The following CCSER1 variants were observed in gnomAD, a reference collection of about 807,000 sequenced individuals.
CCSER1 encodes the protein serine-rich coiled-coil domain-containing protein 1.
A neutral mutation model predicts 82.0 loss-of-function variants in CCSER1; 41 were observed. That is an observed-to-expected ratio of 0.50 (90% CI 0.39 to 0.65). The LOEUF is 0.65. Among genes scored for constraint, CCSER1 ranks in the 30% least tolerant of loss-of-function variants. CCSER1 has a pLI of 0.00. For missense variants in CCSER1, 1,119 were observed against 1,064.2 expected (o/e 1.05, Z -0.72); for synonymous variants, 414 against 383.9 (o/e 1.08, Z -0.92).
At chr4:90,659,084 C>CT (rs3042301) in intron 6 of CCSER1, among the ~76,000 whole-genome samples, 20,039 of 137,942 alleles carry the variant, frequency 0.15, 1,874 homozygotes, top group East Asian at 0.33. Flanking sequence ...TATGAGAGGG[C>CT]TTTTTTTTTT....
chr4:91,364,262 T>G (rs1244120434), intron 10 of CCSER1, among the ~76,000 whole-genome samples: 1 of 152,072 alleles, frequency 6.6e-6, no homozygotes, highest in East Asian at 1.9e-4. Flanking sequence ...TCTAATTTTT[T>G]TGAGGTACAA....
At chr4:91,460,631 T>C (rs555839145) in intron 10 of CCSER1, among the ~76,000 whole-genome samples, 14 of 152,288 alleles carry the variant, frequency 9.2e-5, no homozygotes, top group Admixed American at 7.8e-4. Flanking sequence ...TAATTTGCAC[T>C]GGATCAGAGA....
chr4:91,201,438 G>T (rs77841034), intron 10 of CCSER1, among the ~76,000 whole-genome samples: 4 of 152,004 alleles, frequency 2.6e-5, no homozygotes, highest in African/African-American at 9.7e-5. Flanking sequence ...TGAAGGCTGG[G>T]TCACACAACC....
Position 91,493,116 on chromosome 4 carries a change from C to T in CCSER1, c.2218-105456C>T, listed in dbSNP as rs116092642. Among the ~76,000 whole-genome samples the T allele has an allele frequency of 9.9e-3, 1,485 of 150,532 alleles. 8 individuals carry two copies. Among genetic ancestry groups the T allele is most frequent in the Non-Finnish European group, 0.015 (1,037 of 67,858 alleles). The stretch of plus-strand genomic sequence containing the variant: ...AAGATAAGTTTTCCATAGAAGTAAA[C>T]GTAATTAAATATAGAAAGCCTGAAG... On this transcript the variant is annotated intron_variant, in intron 10 of 10. Transcript: ENST00000509176.
chr4:90,873,011 T>G (rs189919038), intron 8 of CCSER1, among the ~76,000 whole-genome samples: 1 of 152,144 alleles, frequency 6.6e-6, no homozygotes, highest in African/African-American at 2.4e-5. Context: ...TTTAAAAAAA[T>G]ACTTGATTTG....
chr4:91,477,258 T>C (rs1055892799), intron 10 of CCSER1, among the ~76,000 whole-genome samples: 1 of 151,668 alleles, frequency 6.6e-6, no homozygotes, highest in Non-Finnish European at 1.5e-5. Flanking sequence ...AATGAGCCAA[T>C]GTTCTTAAGA....
At chr4:91,572,193 C>G (rs1280057885) in intron 10 of CCSER1, among the ~76,000 whole-genome samples, 1 of 152,072 alleles carries the variant, frequency 6.6e-6, no homozygotes, top group Non-Finnish European at 1.5e-5. Context: ...TTGCAATATA[C>G]TTGGGCCAGC....
At chr4:90,207,891 C>A (rs907013983) in intron 1 of CCSER1, among the ~76,000 whole-genome samples, 1 of 152,140 alleles carries the variant, frequency 6.6e-6, no homozygotes, top group Admixed American at 6.5e-5. Flanking sequence ...GAGGGGCACC[C>A]GCCAGATGCC....
chr4:90,360,663 TG>T (rs1199689385), intron 3 of CCSER1, among the ~76,000 whole-genome samples: 1 of 151,870 alleles, frequency 6.6e-6, no homozygotes, highest in African/African-American at 2.4e-5. Flanking sequence ...CGTTCTTTTA[TG>T]GTCTTTGTCT....
chr4:90,187,219 A>G (rs1734762634), intron 1 of CCSER1, among the ~76,000 whole-genome samples: 1 of 151,956 alleles, frequency 6.6e-6, no homozygotes, highest in Non-Finnish European at 1.5e-5. Context: ...GAGAACAAGA[A>G]TGCATTCTTA....
intron 10 of CCSER1, among the ~76,000 whole-genome samples, chr4:91,090,002 C>T (rs1173766677): frequency 6.6e-6 from 1 of 152,176 alleles, no homozygotes; most frequent in African/African-American, 2.4e-5. Flanking sequence ...CAAGACTTGA[C>T]AGGTTTTATT....
intron 4 of CCSER1, among the ~76,000 whole-genome samples, chr4:90,410,658 A>G: frequency 6.6e-6 from 1 of 152,220 alleles, no homozygotes; most frequent in East Asian, 1.9e-4. Flanking sequence ...ATAGCACTAA[A>G]TGCCCACAAG....
chr4:90,179,625 C>T (rs532654290), intron 1 of CCSER1, among the ~76,000 whole-genome samples: 17 of 152,284 alleles, frequency 1.1e-4, no homozygotes, highest in African/African-American at 4.1e-4. Flanking sequence ...TCAAGAGATC[C>T]TCTCAATTTG....
At position 91,599,022 on chromosome 4, in the gene CCSER1, A is replaced by C. The variant is rs1364353793; in HGVS notation, c.2668A>C (p.Thr890Pro). 6.5e-7 allele frequency: 1 copy of C among 1,549,264 alleles called. No homozygotes were observed. Among genetic ancestry groups the C allele is most frequent in the Non-Finnish European group, 8.7e-7 (1 of 1,145,172 alleles). ...GTTTCTCCACCACAATTTACACAGC[A>C]CTGAGCTGCAAACTCTAGGCCAGCA... ...NVFLHHNLHS[T>P]ELQTLGQQDG Residue 890 changes from threonine (T) to proline (P), a missense_variant, in exon 11 of 11, where the codon ACT (threonine) becomes CCT (proline). Physicochemically the swap from Thr to Pro is conservative, Grantham distance 38. Coordinates refer to ENST00000509176, the MANE Select transcript of CCSER1 (RefSeq NM_001145065.2).
intron 1 of CCSER1, among the ~76,000 whole-genome samples, chr4:90,206,956 A>G (rs887067085): frequency 2.0e-5 from 3 of 151,812 alleles, no homozygotes; most frequent in African/African-American, 7.3e-5. Context: ...GTCTCTTTTG[A>G]TCTTTGTTGG....
chr4:90,557,373 A>G (rs966151688), intron 5 of CCSER1, among the ~76,000 whole-genome samples: 3 of 152,064 alleles, frequency 2.0e-5, no homozygotes, highest in African/African-American at 4.8e-5. Context: ...AAGATTCCAA[A>G]TAAGTCATAT....
At chr4:90,693,674 T>G (rs1158261915) in intron 6 of CCSER1, among the ~76,000 whole-genome samples, 1 of 151,964 alleles carries the variant, frequency 6.6e-6, no homozygotes, top group East Asian at 1.9e-4. Flanking sequence ...ATTCTGTAAA[T>G]AATTCATTGT....
chr4:90,973,954 C>T (rs1735361958), intron 9 of CCSER1, among the ~76,000 whole-genome samples: 1 of 151,426 alleles, frequency 6.6e-6, no homozygotes, highest in South Asian at 2.1e-4. Flanking sequence ...TGAAGTAAGC[C>T]AGACACAGAA....
rs189566379 is a variant in CCSER1 at position 90,973,404 on chromosome 4, T to G, written c.2172+49957T>G. Among the ~76,000 whole-genome samples, 361 of 151,788 alleles carry G rather than the reference T, an allele frequency of 2.4e-3. 6 individuals are homozygous for G. Among genetic ancestry groups the G allele is most frequent in the African/African-American group, 7.4e-3 (308 of 41,426 alleles). On this transcript the variant is annotated intron_variant, in intron 9 of 10. Transcript: ENST00000509176. ...GATGTATGAAAGGCCAACTGTTATA[T>G]GAAAAGGTGCTCAACATCACTAATC...
Sources: gnomAD v4.1 joint callset for allele counts (sites outside exome capture counted in the v4.1 genomes callset) on GRCh38, gnomAD v4.1.1 for gene constraint, MANE v1.5 for transcripts, NCBI Gene and HGNC (gene_info 2026-07-23, HGNC 2026-07-21) for gene names.